GTPBP1: variants seen among roughly 807,000 people sequenced by gnomAD.
The protein encoded by GTPBP1 is GTP binding protein 1.
GTPBP1 carries 23 observed loss-of-function variants against 62.0 expected under a neutral mutation model. That is an observed-to-expected ratio of 0.37 (90% CI 0.27 to 0.53). GTPBP1 has a LOEUF of 0.53. GTPBP1 is among the 20% of genes least tolerant of loss of function. The pLI, the probability that GTPBP1 is intolerant of heterozygous loss-of-function variation, is 0.89. For missense variants in GTPBP1, 640 were observed against 917.3 expected (o/e 0.70, Z 3.90); for synonymous variants, 344 against 364.4 (o/e 0.94, Z 0.64).
chr22:38,734,344 T>C (rs1424458765), downstream of GTPBP1: 2 of 455,282 alleles, frequency 4.4e-6, no homozygotes, highest in Admixed American at 2.6e-5. Flanking sequence ...AAGGGGCAAA[T>C]AGCGAATTCC....
At chr22:38,709,574 G>A (rs1569274693) in intron 2 of GTPBP1, among the ~76,000 whole-genome samples, 1 of 152,216 alleles carries the variant, frequency 6.6e-6, no homozygotes, top group East Asian at 1.9e-4. Flanking sequence ...GCAAGCCATA[G>A]TTAGGTCTAG....
chr22:38,726,517 C>T lies in GTPBP1; in HGVS notation c.1401+77C>T. 4.1e-6 allele frequency: 5 copies of T among 1,229,894 alleles called. No individual in the cohort carries two copies. The South Asian group carries it at 5.2e-5, about 13-fold the overall frequency. 76.2% of individuals were successfully genotyped at this position (1,229,894 alleles called of 1,614,324 possible). On this transcript the variant is annotated intron_variant, in intron 8 of 11. Transcript: ENST00000216044. The surrounding 1 kb of genome is among the most constrained non-coding windows in gnomAD (Gnocchi z 4.1). ...CTTGGCCAGATGCCCTGCTCACCCA[C>T]TCTAGTCCTCATGGCTGCTCTGCAA...
rs2092673367 is a variant in GTPBP1, at chr22:38,716,726, A to G, written c.560A>G (p.Asn187Ser). 4 of 1,614,062 alleles carry G rather than the reference A, an allele frequency of 2.5e-6. No individual in the cohort carries two copies. The highest frequency in any genetic ancestry group is 1.1e-5 in the South Asian group (1 of 91,082). ...GTCCTGACACATGGGGAGCTGGACA[A>G]TGGCCGAGGCTTTGCCCGCCAGAAA... ...LGVLTHGELDNGRGFARQKLF... is the reference protein window; with the variant it reads ...LGVLTHGELDSGRGFARQKLF... Residue 187 changes from asparagine to serine, a missense_variant, in exon 4 of 12, where the codon AAT becomes AGT. This residue lies in a region of GTPBP1 where 88 missense variants were observed against 217.0 expected (regional missense o/e 0.41). Coordinates refer to ENST00000216044, the MANE Select transcript of GTPBP1 (RefSeq NM_004286.5). The surrounding 1 kb of genome is among the most constrained non-coding windows in gnomAD (Gnocchi z 5.2).
At chr22:38,734,457 C>A, downstream of GTPBP1, 1 of 349,266 alleles carries the variant, frequency 2.9e-6, no homozygotes, top group Non-Finnish European at 5.9e-6. Context: ...AGCCCCACTG[C>A]TCCCGCCCCA....
downstream of GTPBP1, chr22:38,738,579 A>T (rs373252920): frequency 6.2e-7 from 1 of 1,611,376 alleles, no homozygotes; most frequent in Admixed American, 1.7e-5. The surrounding 1 kb of genome is among the most constrained non-coding windows in gnomAD (Gnocchi z 6.6). Context: ...CACAGGACAG[A>T]TACTCACAAA....
intron 10 of GTPBP1, 103 bp from the exon 11 acceptor site, chr22:38,729,359 G>T (rs992782476): frequency 4.9e-6 from 4 of 819,420 alleles, no homozygotes; most frequent in African/African-American, 3.5e-5. Flanking sequence ...CAAGATCAAG[G>T]AATGAGGAGT....
At chr22:38,742,450 G>A (rs758857415), downstream of GTPBP1, 60 of 1,613,486 alleles carry the variant, frequency 3.7e-5, no homozygotes, top group East Asian at 9.4e-4. Flanking sequence ...AGCTCCAGAC[G>A]TTCCAGCCGC....
At chr22:38,725,319 T>A (rs531585589) in intron 6 of GTPBP1, 1 of 152,486 alleles carries the variant, frequency 6.6e-6, no homozygotes, top group Non-Finnish European at 1.5e-5. Context: ...AGGACTCTGA[T>A]GAAAAATCAG....
chr22:38,717,059 T>C (rs2092674894), intron 4 of GTPBP1, 59 bp downstream of exon 4: 1 of 1,028,696 alleles, frequency 9.7e-7, no homozygotes, highest in African/African-American at 1.6e-5. Context: ...GGTCTGGTTA[T>C]GTGCAAGTCT....
chr22:38,719,188 GT>G (rs2092686476), intron 4 of GTPBP1, among the ~76,000 whole-genome samples: 1 of 152,030 alleles, frequency 6.6e-6, no homozygotes, highest in Non-Finnish European at 1.5e-5. Context: ...AGTATTTTTA[GT>G]AGAGACGAGG....
downstream of GTPBP1, chr22:38,733,660 G>C (rs1429785863): frequency 6.6e-6 from 1 of 152,464 alleles, no homozygotes; most frequent in African/African-American, 2.4e-5. Context: ...GCCTGTGATG[G>C]TGGGATGGGG....
chr22:38,729,221 G>A (rs773229269), intron 10 of GTPBP1: 4 of 401,482 alleles, frequency 1.0e-5, no homozygotes, highest in Non-Finnish European at 1.8e-5. Flanking sequence ...GGGCTGGGCA[G>A]AGGCAGGAAG....
downstream of GTPBP1, chr22:38,738,546 C>G (rs201726682): frequency 6.3e-7 from 1 of 1,594,312 alleles, no homozygotes; most frequent in Non-Finnish European, 8.6e-7. The surrounding 1 kb of genome is among the most constrained non-coding windows in gnomAD (Gnocchi z 6.6). Context: ...CACAGGATCC[C>G]CCTGCAGCCC....
chr22:38,722,890 T>C (rs2092708070), intron 5 of GTPBP1: 2 of 1,291,482 alleles, frequency 1.5e-6, no homozygotes, highest in Non-Finnish European at 2.3e-6. Flanking sequence ...TCTTCCACGC[T>C]TCGGCCCACT....
Position 38,716,607 on chromosome 22 carries a change from C to A in GTPBP1, c.486-45C>A. On this transcript the variant is annotated intron_variant, in intron 3 of 11. Transcript: ENST00000216044. This position sits in a 1 kb window ranked among gnomAD's most constrained non-coding sequence, Gnocchi z 5.2. ...GTTATGATGGTCGCTCCACCTCACT[C>A]ATTCACTAACTCTCACATAGATGTA... 7.2e-7 allele frequency: 1 copy of A among 1,390,636 alleles called. No individual in the cohort carries two copies. Among genetic ancestry groups the A allele is most frequent in the South Asian group, 1.2e-5 (1 of 81,374 alleles). The allele number at this position is 1,390,636 out of a possible 1,614,324, so 86.1% of individuals were successfully genotyped here.
chr22:38,721,020 C>T (rs1172849434), intron 4 of GTPBP1, among the ~76,000 whole-genome samples: 1 of 152,236 alleles, frequency 6.6e-6, no homozygotes, highest in Non-Finnish European at 1.5e-5. Context: ...ATCCTCCCAC[C>T]TCAGCCTCCC....
chr22:38,729,603 G>A lies in GTPBP1; in HGVS notation c.1858G>A (p.Asp620Asn). 1.3e-6 allele frequency: 2 copies of A among 1,563,698 alleles called. No individual in the cohort carries two copies. The highest frequency in any genetic ancestry group is 1.7e-4 in the Middle Eastern group (1 of 5,812). The change falls in exon 11 of 12, where the codon GAT becomes AAT. Residue 620 changes from aspartate (D) to asparagine (N), a missense_variant. Coordinates refer to ENST00000216044, the MANE Select transcript of GTPBP1 (RefSeq NM_004286.5). ...GPAVGAPPPG[D>N]EASSVGAGQP... ...AGCAGTAGGAGCACCCCCACCTGGA[G>A]ATGAAGCCTCCTCTGTAGGGGCAGG...
At chr22:38,737,356 G>A (rs1337951646), downstream of GTPBP1, among the ~76,000 whole-genome samples, 16 of 151,522 alleles carry the variant, frequency 1.1e-4, no homozygotes, top group Non-Finnish European at 2.4e-4. This position sits in a 1 kb window ranked among gnomAD's most constrained non-coding sequence, Gnocchi z 4.1. Flanking sequence ...GGACATTCAC[G>A]ACCCTCCCTG....
chr22:38,737,684 A>G (rs1356749512), downstream of GTPBP1: 2 of 353,834 alleles, frequency 5.7e-6, no homozygotes, highest in African/African-American at 4.3e-5. This position sits in a 1 kb window ranked among gnomAD's most constrained non-coding sequence, Gnocchi z 4.1. Context: ...GGTTTGTTCA[A>G]ATGCAGGCTC....
Sources: gnomAD v4.1 joint callset for allele counts (sites outside exome capture counted in the v4.1 genomes callset) on GRCh38, gnomAD v4.1.1 for gene constraint, gnomAD v4.1.1 regional missense constraint, Gnocchi (gnomAD v3.1) non-coding constraint, MANE v1.5 for transcripts, NCBI Gene and HGNC (gene_info 2026-07-23, HGNC 2026-07-21) for gene names.